The following KCNIP4 variants were observed in gnomAD, a reference collection of about 807,000 sequenced individuals.
KCNIP4 encodes the protein Kv channel-interacting protein 4.
Under a neutral mutation model 34.0 loss-of-function variants are expected in KCNIP4, and 12 were observed. The ratio of observed to expected loss-of-function variants is 0.35; its 90% confidence interval spans 0.23 to 0.57. The LOEUF (loss-of-function observed/expected upper bound fraction) is 0.57, where lower values mean the gene tolerates loss of function less well. Ranked by LOEUF, KCNIP4 falls within the 20% of genes least tolerant of loss-of-function variation. The probability of loss-of-function intolerance (pLI) is 0.83; values close to 1 mark genes in which losing one functional copy is unlikely to be tolerated. For missense variants in KCNIP4, 238 were observed against 311.7 expected (o/e 0.76, Z 1.78); for synonymous variants, 124 against 102.2 (o/e 1.21, Z -1.29).
At chr4:21,022,013 T>G (rs1740114183) in intron 1 of KCNIP4, among the ~76,000 whole-genome samples, 1 of 152,066 alleles carries the variant, frequency 6.6e-6, no homozygotes. Context: ...CACAGTAGGT[T>G]TTTTTACACC....
At chr4:21,775,988 T>C (rs1719149126) in intron 1 of KCNIP4, among the ~76,000 whole-genome samples, 1 of 152,078 alleles carries the variant, frequency 6.6e-6, no homozygotes, top group African/African-American at 2.4e-5. Context: ...ACTCCAGGAG[T>C]TCAGTAGGCT....
At chr4:21,082,865 T>TTCTATCTATCTATCTATCTA (rs71182707) in intron 1 of KCNIP4, among the ~76,000 whole-genome samples, 45 of 147,684 alleles carry the variant, frequency 3.0e-4, no homozygotes, top group Admixed American at 4.8e-4. Context: ...TGCCAGGTTA[T>TTCTATCTATCTATCTATCTA]TCTATCTATC....
At chr4:20,767,146 G>T (rs543480568) in intron 3 of KCNIP4, 1 of 152,150 alleles carries the variant, frequency 6.6e-6, no homozygotes, top group South Asian at 2.1e-4. Flanking sequence ...ATAGACCAAG[G>T]ATAAATCATA....
intron 1 of KCNIP4, among the ~76,000 whole-genome samples, chr4:21,511,725 T>G (rs1007804877): frequency 1.3e-5 from 2 of 152,168 alleles, no homozygotes; most frequent in African/African-American, 4.8e-5. Flanking sequence ...GTGTCTGAAT[T>G]TACTGCAAAT....
At chr4:21,061,310 T>C (rs746238875) in intron 1 of KCNIP4, among the ~76,000 whole-genome samples, 8 of 152,120 alleles carry the variant, frequency 5.3e-5, no homozygotes, top group Non-Finnish European at 1.0e-4. Flanking sequence ...TTATTCAATG[T>C]GATAAATAAT....
chr4:21,761,084 T>C (rs1681881695), intron 1 of KCNIP4, among the ~76,000 whole-genome samples: 1 of 152,220 alleles, frequency 6.6e-6, no homozygotes, highest in South Asian at 2.1e-4. Flanking sequence ...CCTTTAATTA[T>C]GTACTTTATT....
At chr4:21,139,957 A>C (rs1271746983) in intron 1 of KCNIP4, among the ~76,000 whole-genome samples, 3 of 152,112 alleles carry the variant, frequency 2.0e-5, no homozygotes, top group African/African-American at 7.2e-5. Context: ...TTTCTAACAT[A>C]CTGAGCTTCT....
At chr4:21,705,482 C>G (rs1279645703) in intron 1 of KCNIP4, among the ~76,000 whole-genome samples, 3 of 151,802 alleles carry the variant, frequency 2.0e-5, no homozygotes, top group African/African-American at 4.8e-5. Flanking sequence ...TTAAAAATAC[C>G]TTTTGAGCCC....
chr4:20,759,432 T>C (rs1015617486), intron 3 of KCNIP4, among the ~76,000 whole-genome samples: 2 of 152,136 alleles, frequency 1.3e-5, no homozygotes, highest in African/African-American at 2.4e-5. Context: ...TTGGGTGAGA[T>C]AGAACCCCAT....
intron 1 of KCNIP4, chr4:21,849,344 G>GT (rs1724225409): frequency 6.6e-6 from 1 of 152,098 alleles, no homozygotes; most frequent in East Asian, 1.9e-4. Flanking sequence ...GTGTTAGCAC[G>GT]TAATTCCTGT....
intron 3 of KCNIP4, among the ~76,000 whole-genome samples, chr4:20,776,457 A>G (rs1348084013): frequency 6.6e-6 from 1 of 152,130 alleles, no homozygotes; most frequent in African/African-American, 2.4e-5. Context: ...TTCTCTGTAC[A>G]ACCTCTCAAA....
intron 1 of KCNIP4, among the ~76,000 whole-genome samples, chr4:21,898,697 G>A (rs1727542405): frequency 6.6e-6 from 1 of 152,160 alleles, no homozygotes; most frequent in African/African-American, 2.4e-5. Context: ...AACTTCAGGT[G>A]TGACCCAGAA....
intron 1 of KCNIP4, among the ~76,000 whole-genome samples, chr4:21,096,231 T>C (rs1486471814): frequency 1.3e-5 from 2 of 152,128 alleles, no homozygotes; most frequent in Non-Finnish European, 2.9e-5. Flanking sequence ...GCCAAGCTCA[T>C]CCCATACCCT....
intron 3 of KCNIP4, among the ~76,000 whole-genome samples, chr4:20,799,121 C>A (rs1440160895): frequency 3.3e-5 from 5 of 152,162 alleles, no homozygotes; most frequent in African/African-American, 1.2e-4. Flanking sequence ...TGCTACTGTG[C>A]CCTACTCCCT....
intron 1 of KCNIP4, among the ~76,000 whole-genome samples, chr4:21,552,146 T>C (rs1008222576): frequency 2.0e-5 from 3 of 152,054 alleles, no homozygotes; most frequent in African/African-American, 7.2e-5. Flanking sequence ...AGTAAAGTTT[T>C]ATTAATGAAT....
At chr4:21,020,515 CA>C (rs1186930046) in intron 1 of KCNIP4, among the ~76,000 whole-genome samples, 1 of 152,106 alleles carries the variant, frequency 6.6e-6, no homozygotes, top group Non-Finnish European at 1.5e-5. Context: ...CTAGATTTAC[CA>C]AACTTCATGA....
At chr4:21,426,978 A>G (rs1023717657) in intron 1 of KCNIP4, among the ~76,000 whole-genome samples, 3 of 151,444 alleles carry the variant, frequency 2.0e-5, no homozygotes, top group Non-Finnish European at 2.9e-5. Context: ...CACACGGATC[A>G]TGACTTTTCT....
chr4:20,776,473 A>G (rs922083183), intron 3 of KCNIP4, among the ~76,000 whole-genome samples: 9 of 152,184 alleles, frequency 5.9e-5, no homozygotes, highest in Non-Finnish European at 8.8e-5. Context: ...TCAAAATTGT[A>G]CTATAGACCA....
chr4:21,607,575 T>C (rs557671505), intron 1 of KCNIP4, among the ~76,000 whole-genome samples: 1 of 151,612 alleles, frequency 6.6e-6, no homozygotes, highest in African/African-American at 2.4e-5. Flanking sequence ...CCCGATTTGA[T>C]CCCGGGATCT....
Sources: gnomAD v4.1 joint callset for allele counts (sites outside exome capture counted in the v4.1 genomes callset) on GRCh38, gnomAD v4.1.1 for gene constraint, MANE v1.5 for transcripts, NCBI Gene and HGNC (gene_info 2026-07-23, HGNC 2026-07-21) for gene names.